The following OSMR variants were observed in gnomAD, a reference collection of about 807,000 sequenced individuals.
OSMR encodes the protein oncostatin M receptor.
Under a neutral mutation model 99.9 loss-of-function variants are expected in OSMR, and 81 were observed. The ratio of observed to expected loss-of-function variants is 0.81; its 90% CI spans 0.68 to 0.97. The LOEUF (loss-of-function observed/expected upper bound fraction) is 0.97, where lower values mean the gene tolerates loss of function less well. Ranked by LOEUF, OSMR falls within the 50% of genes least tolerant of loss-of-function variation. The pLI, the probability that OSMR is intolerant of heterozygous loss-of-function variation, is 0.00. For missense variants in OSMR, 1,099 were observed against 1,153.4 expected, an observed-to-expected ratio of 0.95 and a Z score of 0.68; for synonymous variants, 406 against 410.4, an observed-to-expected ratio of 0.99 and a Z score of 0.13.
intron 14 of OSMR, among the ~76,000 whole-genome samples, chr5:38,924,819 G>A: frequency 6.6e-6 from 1 of 151,956 alleles, no homozygotes; most frequent in East Asian, 1.9e-4. Context: ...GGTATTTTTA[G>A]AAGCATCTGA....
At chr5:38,867,051 T>C (rs908544834) in intron 1 of OSMR, among the ~76,000 whole-genome samples, 6 of 152,196 alleles carry the variant, frequency 3.9e-5, no homozygotes, top group African/African-American at 1.4e-4. Flanking sequence ...ATCTACTTAC[T>C]GTACTGGTCC....
chr5:38,859,154 T>C (rs1459387100), intron 1 of OSMR, among the ~76,000 whole-genome samples: 1 of 152,220 alleles, frequency 6.6e-6, no homozygotes, highest in Non-Finnish European at 1.5e-5. Context: ...GCTTTTGAAG[T>C]CTTAGTGATA....
intron 2 of OSMR, among the ~76,000 whole-genome samples, chr5:38,874,209 A>G (rs928019892): frequency 6.6e-6 from 1 of 152,138 alleles, no homozygotes; most frequent in African/African-American, 2.4e-5. Context: ...TTTGATGCAC[A>G]AACTTGTTTA....
chr5:38,914,936 A>G (rs1026693913), intron 9 of OSMR, among the ~76,000 whole-genome samples: 1 of 152,230 alleles, frequency 6.6e-6, no homozygotes, highest in Non-Finnish European at 1.5e-5. Context: ...TCAGCATTGC[A>G]CAATATACCC....
At chr5:38,852,597 T>G (rs2112035324) in intron 1 of OSMR, among the ~76,000 whole-genome samples, 1 of 152,286 alleles carries the variant, frequency 6.6e-6, no homozygotes, top group East Asian at 1.9e-4. Context: ...TATTTCCCTC[T>G]TTTCATGAAT....
At chr5:38,935,821 T>TTCA (rs1325599776), downstream of OSMR, among the ~76,000 whole-genome samples, 10 of 151,916 alleles carry the variant, frequency 6.6e-5, no homozygotes, top group African/African-American at 2.4e-4. Context: ...TTCCCAGGCA[T>TTCA]TCATCTACAC....
At chr5:38,853,918 G>A (rs1447240709) in intron 1 of OSMR, among the ~76,000 whole-genome samples, 1 of 152,126 alleles carries the variant, frequency 6.6e-6, no homozygotes, top group Non-Finnish European at 1.5e-5. Flanking sequence ...CATGGCTGTA[G>A]CTTCTGACTG....
At chr5:38,944,599 T>G (rs950264079) in intron 2 of OSMR, 18 of 1,541,282 alleles carry the variant, frequency 1.2e-5, no homozygotes, top group Non-Finnish European at 1.6e-5. Context: ...AAGTTAAATA[T>G]TATCTATGTC....
chr5:38,859,759 T>G (rs1373814372), intron 1 of OSMR, among the ~76,000 whole-genome samples: 2 of 152,190 alleles, frequency 1.3e-5, no homozygotes, highest in Non-Finnish European at 2.9e-5. Context: ...TTCTCCAGTT[T>G]CTTTCATTAG....
At chr5:38,931,662 T>G in intron 15 of OSMR, 2 of 340,782 alleles carry the variant, frequency 5.9e-6, no homozygotes, top group Non-Finnish European at 8.3e-6. Context: ...GTAACAAATT[T>G]GAGACACACG....
Position 38,933,570 on chromosome 5 carries a change from C to G in OSMR, c.*126C>G, listed in dbSNP as rs1357545790. 10 of 1,042,366 alleles carry G rather than the reference C, an allele frequency of 9.6e-6. No homozygotes were observed. Among genetic ancestry groups the G allele is most frequent in the Non-Finnish European group, 1.5e-5 (10 of 689,018 alleles). 64.6% of individuals were successfully genotyped at this position (1,042,366 alleles called of 1,614,324 possible). ...TTTGCAGGTCTGGTTTATATAAGACCACTACAGTCTGGCTAGGTTAAAGGC... is the reference window on the plus strand; with the variant it reads ...TTTGCAGGTCTGGTTTATATAAGACGACTACAGTCTGGCTAGGTTAAAGGC... On this transcript the variant is annotated 3_prime_UTR_variant, in exon 18 of 18. Transcript: ENST00000274276.
In OSMR at chr5:38,891,430, T is replaced by C. The variant is rs1313202420; in HGVS notation, c.991+5240T>C. 1.4e-4 allele frequency among the ~76,000 whole-genome samples: 22 copies of C among 152,154 alleles called. 1 individual carries two copies. Among genetic ancestry groups the C allele is most frequent in the Admixed American group, 1.4e-3 (22 of 15,280 alleles). ...GGTCTATAAATACTAGCTCTTTAAGTGGATTGTCTGAGACCTCACATCAGG... is the reference window on the plus strand; with the variant it reads ...GGTCTATAAATACTAGCTCTTTAAGCGGATTGTCTGAGACCTCACATCAGG... On this transcript the variant is annotated intron_variant, in intron 7 of 17. Transcript: ENST00000274276.
chr5:38,878,986 G>A (rs960340456), intron 3 of OSMR, among the ~76,000 whole-genome samples: 2 of 152,286 alleles, frequency 1.3e-5, no homozygotes, highest in Middle Eastern at 3.4e-3. Context: ...GAATGTCAGC[G>A]CTGAGCACAC....
At chr5:38,904,578 G>A in intron 9 of OSMR, 75 bp downstream of exon 9, 8 of 1,590,822 alleles carry the variant, frequency 5.0e-6, no homozygotes, top group Non-Finnish European at 6.9e-6. Context: ...AGAGATTTTG[G>A]TTGTACCAAA....
chr5:38,913,278 G>A (rs1365358936), intron 9 of OSMR, among the ~76,000 whole-genome samples: 4 of 151,998 alleles, frequency 2.6e-5, no homozygotes, highest in African/African-American at 4.8e-5. Flanking sequence ...GGCCAGGCGC[G>A]GTGGCTCATG....
chr5:38,899,430 C>T (rs1478435075), intron 7 of OSMR, among the ~76,000 whole-genome samples: 2 of 152,144 alleles, frequency 1.3e-5, no homozygotes, highest in Non-Finnish European at 2.9e-5. Flanking sequence ...CCCCTGTCTC[C>T]AAGTTAGTAC....
intron 9 of OSMR, among the ~76,000 whole-genome samples, chr5:38,910,849 A>G (rs1479130861): frequency 6.6e-6 from 1 of 152,156 alleles, no homozygotes; most frequent in Non-Finnish European, 1.5e-5. Flanking sequence ...TCTCTACTAA[A>G]AAATACAAAA....
At chr5:38,914,717 C>T (rs894880717) in intron 9 of OSMR, among the ~76,000 whole-genome samples, 10 of 152,068 alleles carry the variant, frequency 6.6e-5, no homozygotes, top group Admixed American at 1.3e-4. Context: ...TTATCCTAAG[C>T]GAATTAATGC....
chr5:38,898,064 A>C (rs1053229483), intron 7 of OSMR, among the ~76,000 whole-genome samples: 2 of 152,194 alleles, frequency 1.3e-5, no homozygotes, highest in Non-Finnish European at 2.9e-5. Context: ...GAGGAGAAGA[A>C]TGTATTCTGC....
Sources: allele counts gnomAD v4.1 joint callset (sites outside exome capture counted in the v4.1 genomes callset), GRCh38; gene constraint gnomAD v4.1.1; transcripts MANE v1.5; gene names NCBI Gene and HGNC (gene_info 2026-07-23, HGNC 2026-07-21).